Variants in CRYAB observed in about 807,000 individuals in gnomAD.
CRYAB encodes alpha-crystallin B chain.
CRYAB carries 9 observed loss-of-function variants against 12.7 expected under a neutral mutation model. That is an observed-to-expected ratio of 0.71 (90% CI 0.43 to 1.24). CRYAB has a LOEUF of 1.24. Among genes scored for constraint, CRYAB ranks in the 50% most tolerant of loss-of-function variants. The pLI is 0.00. For synonymous variants in CRYAB, 93 were observed against 86.8 expected (o/e 1.07, Z -0.40); for missense variants, 183 against 226.6 (o/e 0.81, Z 1.24).
In CRYAB at chr11:111,910,331, C is replaced by T. The variant is rs144451841; in HGVS notation, c.320G>A (p.Arg107His). The change falls in exon 2 of 3, where the codon CGC becomes CAC. Residue 107 changes from arginine (R) to histidine (H), a missense_variant. Around this residue, in one of 3 missense-constraint regions of CRYAB, gnomAD observed 95 missense variants for 112.5 expected, o/e 0.84. Coordinates refer to ENST00000650687, the MANE Select transcript of CRYAB (RefSeq NM_001289808.2). ...ACAAAAAAACAAGCTACATACCTGG[C>T]GCTCTTCATGTTTTCCATGCACCTC... ...VIEVHGKHEE[R>H]QDEHGFISRE... The T allele has an allele frequency of 5.6e-6, 9 of 1,614,174 alleles. No homozygotes were observed. In the East Asian group the frequency reaches 8.9e-5, roughly 16 times the overall value.
chr11:111,916,051 C>T (rs1284761223), upstream of CRYAB, among the ~76,000 whole-genome samples: 1 of 151,994 alleles, frequency 6.6e-6, no homozygotes, highest in Admixed American at 6.6e-5. Context: ...CTTCCATTTT[C>T]TTTTTGGTCT....
At chr11:111,910,573 T>G in intron 1 of CRYAB, 124 bp from the exon 2 acceptor site, 1 of 1,241,042 alleles carries the variant, frequency 8.1e-7, no homozygotes, top group Non-Finnish European at 1.2e-6. Flanking sequence ...CTTCTCTGCT[T>G]AAAAAATCTC....
At chr11:111,913,172 C>T (rs1965524922), upstream of CRYAB, 9 of 602,620 alleles carry the variant, frequency 1.5e-5, no homozygotes, top group Admixed American at 5.9e-5. Flanking sequence ...GCCTCCTTGT[C>T]CCCCTTCTAT....
At chr11:111,914,085 TCTCAGGGC>T, upstream of CRYAB, 1 of 601,444 alleles carries the variant, frequency 1.7e-6, no homozygotes, top group Non-Finnish European at 2.9e-6. Context: ...TAAACCCAAA[TCTCAGGGC>T]CTTGTTTGTA....
upstream of CRYAB, chr11:111,912,625 G>C (rs1197621698): frequency 1.7e-6 from 1 of 594,200 alleles, no homozygotes; most frequent in Non-Finnish European, 3.0e-6. Flanking sequence ...CTAGGGGTCC[G>C]GGCGGCGCTG....
chr11:111,914,015 T>G, upstream of CRYAB: 1 of 897,096 alleles, frequency 1.1e-6, no homozygotes, highest in East Asian at 2.6e-5. Flanking sequence ...TGGTCCACAA[T>G]GTATGGTTTG....
intron 1 of CRYAB, chr11:111,910,931 T>C: frequency 3.9e-6 from 1 of 256,750 alleles, no homozygotes; most frequent in South Asian, 5.0e-5. Flanking sequence ...ACCAGAGTGT[T>C]ATCTGTGACA....
chr11:111,914,899 A>G (rs1415009987), upstream of CRYAB, among the ~76,000 whole-genome samples: 2 of 152,034 alleles, frequency 1.3e-5, no homozygotes, highest in Non-Finnish European at 2.9e-5. Context: ...AATAGAGTGC[A>G]ACCTTGTCTC....
chr11:111,911,858 C>T, upstream of CRYAB: 2 of 666,368 alleles, frequency 3.0e-6, no homozygotes, highest in East Asian at 5.4e-5. Flanking sequence ...CCTAGCTCAC[C>T]AGCAGTTCAT....
upstream of CRYAB, among the ~76,000 whole-genome samples, chr11:111,916,135 C>T (rs1555166099): frequency 6.6e-6 from 1 of 152,120 alleles, no homozygotes; most frequent in Non-Finnish European, 1.5e-5. Context: ...CTCTGGAAAA[C>T]AAACACAATG....
At chr11:111,919,095 G>C in intron 1 of CRYAB, 1 of 1,451,056 alleles carries the variant, frequency 6.9e-7, no homozygotes. Flanking sequence ...ATAGTTGTCT[G>C]CCAGCCTCCC....
At chr11:111,911,796 T>C (rs1158677630), upstream of CRYAB, 38 of 1,027,674 alleles carry the variant, frequency 3.7e-5, no homozygotes, top group Admixed American at 5.4e-4. Flanking sequence ...CAGCCCCTTA[T>C]ATATGCAGTC....
rs782149494 is a variant in CRYAB at position 111,908,718 on chromosome 11, T to C, written c.*46A>G. The C allele has an allele frequency of 6.3e-7, 1 of 1,588,766 alleles. No homozygotes were observed. Among genetic ancestry groups the C allele is most frequent in the East Asian group, 2.2e-5 (1 of 44,794 alleles). ...TAGTCACAAGACTTTCATTCACTGG[T>C]GGGGAAACTTTCTTGTTTTAAAAAA... is the stretch of plus-strand genomic sequence containing the variant. On this transcript the variant is annotated 3_prime_UTR_variant, in exon 3 of 3. Transcript: ENST00000650687.
At chr11:111,913,547 T>C (rs1555165862), upstream of CRYAB, 2 of 1,614,124 alleles carry the variant, frequency 1.2e-6, no homozygotes, top group Admixed American at 3.3e-5. Context: ...CCTCCGAGCT[T>C]AGGCTCAGTG....
upstream of CRYAB, among the ~76,000 whole-genome samples, chr11:111,916,918 G>A (rs1036863870): frequency 6.6e-6 from 1 of 151,428 alleles, no homozygotes; most frequent in African/African-American, 2.4e-5. Flanking sequence ...GAGTAAAGTG[G>A]TGTGATCACA....
At chr11:111,916,279 G>T (rs587760013), upstream of CRYAB, among the ~76,000 whole-genome samples, 5 of 151,322 alleles carry the variant, frequency 3.3e-5, no homozygotes, top group African/African-American at 9.7e-5. Flanking sequence ...ACCGAGGCTG[G>T]GTGTACAGTG....
At position 111,909,972 on chromosome 11, in the gene CRYAB, T is replaced by C. The variant is rs140501477; in HGVS notation, c.324+355A>G. 4.4e-4 allele frequency: 262 copies of C among 595,942 alleles called. 1 individual carries two copies. The African/African-American group carries it at 4.4e-3, about 10-fold the overall frequency. The allele number at this position is 595,942 out of a possible 1,614,324, so 36.9% of individuals were successfully genotyped here. Reference sequence around the variant, plus strand: ...TAATTGGTCTGGAGTAGTGCTCGCTTCGGCAGCACATATGCTAATTGGTCT... The same window carrying C: ...TAATTGGTCTGGAGTAGTGCTCGCTCCGGCAGCACATATGCTAATTGGTCT... On this transcript the variant is annotated intron_variant, in intron 2 of 2. Transcript: ENST00000650687.
intron 2 of CRYAB, 179 bp from the exon 3 acceptor site, chr11:111,909,146 C>G: frequency 1.4e-6 from 1 of 694,296 alleles, no homozygotes. Flanking sequence ...TAGGTAGTCA[C>G]TCCTACCAGT....
rs782799100 is a variant in CRYAB, at chr11:111,908,852, C to T, written c.440G>A (p.Gly147Glu). 7 of 1,614,006 alleles carry T rather than the reference C, an allele frequency of 4.3e-6. No individual in the cohort carries two copies. The South Asian group carries it at 7.7e-5, about 18-fold the overall frequency. The change falls in exon 3 of 3, where the codon GGA becomes GAA. Residue 147 changes from glycine (G) to glutamate (E), a missense_variant. By Grantham distance (98) the Gly-to-Glu change is moderately conservative. Transcript: ENST00000650687. ...LSSDGVLTVN[G>E]PRKQVSGPER... ...AGGGCCAGAGACCTGTTTCCTTGGT[C>T]CATTCACAGTGAGGACCCCATCAGA...
Sources: gnomAD v4.1 joint callset for allele counts (sites outside exome capture counted in the v4.1 genomes callset) on GRCh38, gnomAD v4.1.1 for gene constraint, gnomAD v4.1.1 regional missense constraint, MANE v1.5 for transcripts, NCBI Gene and HGNC (gene_info 2026-07-23, HGNC 2026-07-21) for gene names.